Variants in NAV3 observed in about 807,000 individuals in gnomAD.
NAV3 encodes the protein pore membrane and/or filament interacting like protein 1.
In NAV3, 87 loss-of-function variants were observed where a neutral mutation model predicts 244.7. The observed-to-expected ratio is 0.36, with a 90% CI of 0.30 to 0.42. NAV3 has a LOEUF of 0.42. Among genes scored for constraint, NAV3 ranks in the 20% least tolerant of loss-of-function variants. The probability of loss-of-function intolerance (pLI) is 1.00; values close to 1 mark genes in which losing one functional copy is unlikely to be tolerated. For missense variants in NAV3, 2,663 were observed against 2,893.3 expected, an observed-to-expected ratio of 0.92 and a Z score of 1.83; for synonymous variants, 1,126 against 1,042.2, an observed-to-expected ratio of 1.08 and a Z score of -1.55.
At chr12:77,595,770 T>C (rs1026787670) in intron 2 of NAV3, among the ~76,000 whole-genome samples, 5 of 152,154 alleles carry the variant, frequency 3.3e-5, no homozygotes, top group African/African-American at 7.2e-5. Flanking sequence ...TTTATACTTA[T>C]TTTGCCACAG....
At chr12:77,733,441 G>T (rs1212847915) in intron 2 of NAV3, among the ~76,000 whole-genome samples, 12 of 151,964 alleles carry the variant, frequency 7.9e-5, no homozygotes, top group Non-Finnish European at 1.3e-4. Flanking sequence ...CAAAGCCAGA[G>T]AAAGAGAGAG....
At chr12:77,584,065 G>A (rs921428798) in intron 2 of NAV3, among the ~76,000 whole-genome samples, 2 of 152,128 alleles carry the variant, frequency 1.3e-5, no homozygotes, top group Non-Finnish European at 2.9e-5. Context: ...CCTCAAGAAA[G>A]TGCTTTCCCA....
Position 77,579,717 on chromosome 12 carries a change from C to G in NAV3, c.72+7451C>G, listed in dbSNP as rs538975162. Reference sequence around the variant, plus strand: ...AAACAACCACTGCCTCCTAATACAACATGGCTTACTATTTCACTCAAGACC... The same window carrying G: ...AAACAACCACTGCCTCCTAATACAAGATGGCTTACTATTTCACTCAAGACC... On this transcript the variant is annotated intron_variant, in intron 2 of 8. Coordinates refer to the NAV3 transcript ENST00000550042. 5.3e-5 allele frequency among the ~76,000 whole-genome samples: 8 copies of G among 152,322 alleles called. No homozygotes were observed. In the South Asian group the frequency reaches 1.7e-3, roughly 32 times the overall value.
intron 18 of NAV3, among the ~76,000 whole-genome samples, chr12:78,131,374 G>A (rs576833167): frequency 1.3e-5 from 2 of 152,128 alleles, no homozygotes; most frequent in African/African-American, 2.4e-5. Flanking sequence ...GCCAAAGAAT[G>A]TATAGCTTTT....
chr12:77,870,377 A>G (rs994729780), intron 1 of NAV3, among the ~76,000 whole-genome samples: 3 of 151,860 alleles, frequency 2.0e-5, no homozygotes, highest in African/African-American at 4.8e-5. Flanking sequence ...AAAAAAAAAA[A>G]AAAGAAAAGT....
chr12:77,995,961 T>C, intron 6 of NAV3, among the ~76,000 whole-genome samples: 1 of 152,060 alleles, frequency 6.6e-6, no homozygotes, highest in Non-Finnish European at 1.5e-5. Context: ...TTTTATTACT[T>C]TGATGAATAA....
chr12:77,574,637 G>A (rs763227835), intron 2 of NAV3, among the ~76,000 whole-genome samples: 11 of 152,048 alleles, frequency 7.2e-5, no homozygotes, highest in Non-Finnish European at 1.6e-4. Context: ...TCTTCTCATG[G>A]TGTTTGGCAT....
intron 2 of NAV3, among the ~76,000 whole-genome samples, chr12:77,628,418 T>G (rs1871734217): frequency 6.6e-6 from 1 of 152,192 alleles, no homozygotes; most frequent in Non-Finnish European, 1.5e-5. Flanking sequence ...AATTCATGAT[T>G]ACAAAGTTAA....
chr12:77,717,669 T>G (rs759527979), intron 2 of NAV3, among the ~76,000 whole-genome samples: 13 of 152,074 alleles, frequency 8.5e-5, no homozygotes, highest in Admixed American at 2.0e-4. Context: ...TAAAGGAACT[T>G]TCATACTGTT....
chr12:78,159,949 A>C (rs757954313), intron 23 of NAV3, among the ~76,000 whole-genome samples: 1 of 152,110 alleles, frequency 6.6e-6, no homozygotes, highest in Admixed American at 6.6e-5. Flanking sequence ...TCACAAATAC[A>C]TGGTCACTAA....
chr12:78,169,519 G>A (rs1158408536), intron 24 of NAV3, among the ~76,000 whole-genome samples: 1 of 151,482 alleles, frequency 6.6e-6, no homozygotes, highest in Non-Finnish European at 1.5e-5. Context: ...CTTTACATTG[G>A]TTCTATTTAC....
chr12:77,928,518 A>T (rs570366307), intron 1 of NAV3, among the ~76,000 whole-genome samples: 2 of 152,056 alleles, frequency 1.3e-5, no homozygotes, highest in East Asian at 1.9e-4. Flanking sequence ...TTAACGAAAA[A>T]CTTATGTGCC....
At chr12:77,942,324 A>T (rs1018426571) in intron 3 of NAV3, among the ~76,000 whole-genome samples, 2 of 152,140 alleles carry the variant, frequency 1.3e-5, no homozygotes, top group South Asian at 4.1e-4. Flanking sequence ...GTGAGCGAGG[A>T]TTGTGCCATT....
intron 2 of NAV3, among the ~76,000 whole-genome samples, chr12:77,802,843 A>C (rs912526821): frequency 3.3e-5 from 5 of 151,732 alleles, no homozygotes; most frequent in African/African-American, 9.7e-5. Flanking sequence ...TGTTTTTTGT[A>C]TTTTTAGTAG....
intron 2 of NAV3, among the ~76,000 whole-genome samples, chr12:77,694,112 A>T (rs1233266516): frequency 6.6e-6 from 1 of 151,994 alleles, no homozygotes; most frequent in Non-Finnish European, 1.5e-5. Flanking sequence ...CTATAATCCT[A>T]GAGTTCATGA....
intron 1 of NAV3, among the ~76,000 whole-genome samples, chr12:77,877,466 G>A (rs1222801523): frequency 6.6e-6 from 1 of 151,794 alleles, no homozygotes; most frequent in East Asian, 1.9e-4. Flanking sequence ...ATTTTATATT[G>A]CATTTATAGG....
chr12:77,768,559 C>A lies in NAV3; in HGVS notation c.73-171760C>A, dbSNP rs541882803. On this transcript the variant is annotated intron_variant, in intron 2 of 8. Coordinates refer to the NAV3 transcript ENST00000550042. ...CATGCACATCCAGCTGGAATGAACACAACAGCACCTGGGCTTGGCCTCAAC... is the reference window on the plus strand; with the variant it reads ...CATGCACATCCAGCTGGAATGAACAAAACAGCACCTGGGCTTGGCCTCAAC... Among the ~76,000 whole-genome samples the A allele has an allele frequency of 4.7e-4, 72 of 152,338 alleles. 3 individuals are homozygous for A. In the South Asian group the frequency reaches 0.014, roughly 30 times the overall value.
chr12:78,187,816 T>C (rs990956185), intron 31 of NAV3, among the ~76,000 whole-genome samples: 1 of 151,896 alleles, frequency 6.6e-6, no homozygotes, highest in Non-Finnish European at 1.5e-5. Context: ...CACAAAATAG[T>C]AAGATAAAGT....
rs1486390528 is a variant in NAV3 at position 77,824,439 on chromosome 12, C to T, written c.73-115880C>T. On this transcript the variant is annotated intron_variant, in intron 2 of 8. Transcript: ENST00000550042. ...TTGAAAAATTAATTGCATTAGTAAC[C>T]GTGGCATGAAAGCAGGTGGTCCAAC... 4.0e-5 allele frequency among the ~76,000 whole-genome samples: 6 copies of T among 151,740 alleles called. No homozygotes were observed. In the East Asian group the frequency reaches 7.8e-4, roughly 20 times the overall value.
Sources: allele counts gnomAD v4.1 joint callset (sites outside exome capture counted in the v4.1 genomes callset), GRCh38; gene constraint gnomAD v4.1.1; transcripts MANE v1.5; gene names NCBI Gene and HGNC (gene_info 2026-07-23, HGNC 2026-07-21).